Variants in UACA observed in about 807,000 individuals in gnomAD.
UACA encodes uveal autoantigen with coiled-coil domains and ankyrin repeats.
A neutral mutation model predicts 160.5 loss-of-function variants in UACA; 112 were observed. That is an observed-to-expected ratio of 0.70 (90% CI 0.60 to 0.82). UACA has a LOEUF of 0.82. Among genes scored for constraint, UACA ranks in the 40% least tolerant of loss-of-function variants. The pLI is 0.00. For synonymous variants in UACA, 557 were observed against 568.4 expected (o/e 0.98, Z 0.29); for missense variants, 1,574 against 1,614.6 (o/e 0.97, Z 0.43).
chr15:70,748,075 C>G (rs554057577), intron 1 of UACA, among the ~76,000 whole-genome samples: 1 of 152,178 alleles, frequency 6.6e-6, no homozygotes, highest in Non-Finnish European at 1.5e-5. Context: ...ATGTATACAC[C>G]TACACCAAGC....
At chr15:70,724,704 C>A (rs1476266677) in intron 1 of UACA, among the ~76,000 whole-genome samples, 1 of 152,004 alleles carries the variant, frequency 6.6e-6, no homozygotes, top group East Asian at 1.9e-4. Flanking sequence ...AAGAGTGTGA[C>A]CTTTTTATAG....
intron 1 of UACA, among the ~76,000 whole-genome samples, chr15:70,744,395 G>T (rs531189324): frequency 1.3e-5 from 2 of 152,080 alleles, no homozygotes; most frequent in Admixed American, 6.5e-5. Flanking sequence ...GCAGAAGGAA[G>T]GAGGGAGGGA....
intron 10 of UACA, among the ~76,000 whole-genome samples, chr15:70,679,352 G>T (rs548376254): frequency 1.3e-5 from 2 of 151,468 alleles, no homozygotes; most frequent in African/African-American, 4.9e-5. Context: ...GCAGTGAGCC[G>T]AGATCATGCC....
chr15:70,708,566 C>A (rs1040362063), intron 1 of UACA, among the ~76,000 whole-genome samples: 1 of 151,816 alleles, frequency 6.6e-6, no homozygotes, highest in African/African-American at 2.4e-5. Flanking sequence ...CACCCAGGTT[C>A]AAGCTATTCT....
chr15:70,683,724 A>AG (rs373411554), intron 8 of UACA, among the ~76,000 whole-genome samples: 87 of 152,270 alleles, frequency 5.7e-4, no homozygotes, highest in African/African-American at 2.0e-3. Flanking sequence ...TCAGATTTAC[A>AG]GTGAATTCAA....
At chr15:70,714,462 T>C (rs895194871) in intron 1 of UACA, among the ~76,000 whole-genome samples, 12 of 152,170 alleles carry the variant, frequency 7.9e-5, no homozygotes, top group Admixed American at 1.3e-4. Context: ...ACTGTATGAT[T>C]TGAAAGTATG....
At chr15:70,704,419 C>A (rs915546658) in intron 1 of UACA, among the ~76,000 whole-genome samples, 4 of 152,164 alleles carry the variant, frequency 2.6e-5, no homozygotes, top group African/African-American at 9.7e-5. Flanking sequence ...GATAAAAGAT[C>A]CTTCTTCACA....
chr15:70,756,901 T>G (rs775301487), intron 1 of UACA, among the ~76,000 whole-genome samples: 4 of 152,178 alleles, frequency 2.6e-5, no homozygotes, highest in Non-Finnish European at 5.9e-5. Flanking sequence ...ATAAAGACTC[T>G]TTATAAACAC....
the UACA span, among the ~76,000 whole-genome samples, chr15:70,776,957 A>G: frequency 1.3e-5 from 2 of 152,170 alleles, no homozygotes; most frequent in Non-Finnish European, 2.9e-5. Context: ...TAGGAGCAGG[A>G]GTCTAGATCA....
Position 70,667,046 on chromosome 15 carries a change from T to G in UACA, c.3638A>C (p.Gln1213Pro). ...KLQSEVQNTK[Q>P]ALKKLETREV... ...TCTAGTCTCTAATTTTTTTAATGCT[T>G]GTTTAGTATTCTGAACCTCCGACTG... Residue 1213 changes from glutamine to proline, a missense_variant, in exon 16 of 19, where the codon CAA (glutamine) becomes CCA (proline). Gln to Pro is a moderately conservative substitution (Grantham distance 76). Coordinates refer to ENST00000322954, the MANE Select transcript of UACA (RefSeq NM_018003.4). 1 of 1,613,530 alleles carries G rather than the reference T, an allele frequency of 6.2e-7. No homozygotes were observed. The highest frequency in any genetic ancestry group is 8.5e-7 in the Non-Finnish European group (1 of 1,179,910).
chr15:70,706,521 A>T (rs1167279813), intron 1 of UACA, among the ~76,000 whole-genome samples: 4 of 137,652 alleles, frequency 2.9e-5, no homozygotes, highest in Non-Finnish European at 3.3e-5. Flanking sequence ...TTATTTGTTA[A>T]AAAAAAAAAA....
chr15:70,657,181 AG>A, intron 18 of UACA, 54 bp from the exon 19 acceptor site: 1 of 1,417,208 alleles, frequency 7.1e-7, no homozygotes, highest in Non-Finnish European at 1.0e-6. Context: ...TGTTTACATA[AG>A]AATTCTAAAG....
Position 70,679,579 on chromosome 15 carries a change from G to A in UACA, c.891+29C>T, listed in dbSNP as rs772523965. On this transcript the variant is annotated intron_variant, in intron 10 of 18. Coordinates refer to ENST00000322954, the MANE Select transcript of UACA (RefSeq NM_018003.4). Reference sequence around the variant, plus strand: ...TACAAATACTGGAATTGTTTTTAAAGGAAGACACCATTATTTTTTTCTTTT... The same window carrying A: ...TACAAATACTGGAATTGTTTTTAAAAGAAGACACCATTATTTTTTTCTTTT... 69 of 1,481,020 alleles carry A rather than the reference G, an allele frequency of 4.7e-5. 1 individual carries two copies. In the South Asian group the frequency reaches 7.6e-4, roughly 16 times the overall value. The allele number at this position is 1,481,020 out of a possible 1,614,324, so 91.7% of individuals were successfully genotyped here.
intron 1 of UACA, among the ~76,000 whole-genome samples, chr15:70,715,823 G>A (rs1898804949): frequency 6.6e-6 from 1 of 151,978 alleles, no homozygotes; most frequent in Admixed American, 6.6e-5. Context: ...TTATAAATAA[G>A]GATTATATTT....
intron 8 of UACA, 105 bp from the exon 9 acceptor site, chr15:70,682,900 AG>A: frequency 1.6e-6 from 1 of 641,638 alleles, no homozygotes; most frequent in Admixed American, 3.4e-5. Context: ...AATAAACTTT[AG>A]AGTTTCCTCT....
intron 9 of UACA, chr15:70,681,851 T>C (rs891062478): frequency 6.6e-6 from 1 of 152,238 alleles, no homozygotes; most frequent in African/African-American, 2.4e-5. Flanking sequence ...AACTGGCACA[T>C]TCAGCACATG....
intron 1 of UACA, among the ~76,000 whole-genome samples, chr15:70,747,755 T>G (rs2141008457): frequency 6.6e-6 from 1 of 152,284 alleles, no homozygotes; most frequent in African/African-American, 2.4e-5. Flanking sequence ...TCATCCTTGA[T>G]CTTTCTGCCT....
chr15:70,754,161 C>T (rs1199426686), intron 1 of UACA: 1 of 455,948 alleles, frequency 2.2e-6, no homozygotes, highest in Admixed American at 2.3e-5. Flanking sequence ...GTCATTTATC[C>T]TAACTGGTTG....
At position 70,674,051 on chromosome 15, in the gene UACA, G is replaced by A. The variant is rs564617462; in HGVS notation, c.1132-2050C>T. ...TAATTTTTATGTTTTTGGTAGAGAC[G>A]GGATTTCACCATGTTGCCCAGGCTG... On this transcript the variant is annotated intron_variant, in intron 13 of 18. Transcript: ENST00000322954. Among the ~76,000 whole-genome samples, 8 of 152,142 alleles carry A rather than the reference G, an allele frequency of 5.3e-5. No individual in the cohort carries two copies. The East Asian group carries it at 1.2e-3, about 22-fold the overall frequency.
Sources: allele counts gnomAD v4.1 joint callset (sites outside exome capture counted in the v4.1 genomes callset), GRCh38; gene constraint gnomAD v4.1.1; transcripts MANE v1.5; gene names NCBI Gene and HGNC (gene_info 2026-07-23, HGNC 2026-07-21).